CFTR: variants seen among roughly 807,000 people sequenced by gnomAD.
The protein encoded by CFTR is cystic fibrosis transmembrane conductance regulator.
In CFTR, 181 loss-of-function variants were observed where a neutral mutation model predicts 171.6. That is an observed-to-expected ratio of 1.05 (90% confidence interval 0.93 to 1.19). The LOEUF is 1.19. Among genes scored for constraint, CFTR ranks in the 50% most tolerant of loss-of-function variants. The pLI, the probability that CFTR is intolerant of heterozygous loss-of-function variation, is 0.00. For missense variants in CFTR, 1,968 were observed against 1,734.7 expected (o/e 1.13, Z -2.39); for synonymous variants, 583 against 608.0 (o/e 0.96, Z 0.60).
At chr7:117,556,189 C>A (rs554217867) in intron 10 of CFTR, among the ~76,000 whole-genome samples, 1 of 152,106 alleles carries the variant, frequency 6.6e-6, no homozygotes, top group East Asian at 1.9e-4. Flanking sequence ...CTCACCCTCC[C>A]AAGTAGCTGG....
At chr7:117,665,321 C>T (rs969853207) in intron 25 of CFTR, 138 bp from the exon 26 acceptor site, 1 of 641,234 alleles carries the variant, frequency 1.6e-6, no homozygotes, top group Admixed American at 2.7e-5. Context: ...GTGGCTAACG[C>T]TATATCAACA....
intron 10 of CFTR, among the ~76,000 whole-genome samples, chr7:117,549,794 A>C (rs1799237919): frequency 1.3e-5 from 2 of 152,144 alleles, no homozygotes; most frequent in African/African-American, 4.8e-5. Flanking sequence ...CAGAAAAAGA[A>C]AGAGAGGAAG....
chr7:117,577,099 G>C (rs1791783225), intron 11 of CFTR, among the ~76,000 whole-genome samples: 1 of 152,264 alleles, frequency 6.6e-6, no homozygotes, highest in South Asian at 2.1e-4. Flanking sequence ...TATTGATCTT[G>C]AAAGAGTTTG....
chr7:117,524,483 A>T (rs1322073851), intron 3 of CFTR, among the ~76,000 whole-genome samples: 1 of 152,206 alleles, frequency 6.6e-6, no homozygotes, highest in Non-Finnish European at 1.5e-5. Context: ...CTGGGGTAAA[A>T]TATTGATCTA....
intron 10 of CFTR, among the ~76,000 whole-genome samples, chr7:117,553,127 A>G (rs1295613739): frequency 6.6e-6 from 1 of 152,052 alleles, no homozygotes; most frequent in Non-Finnish European, 1.5e-5. Context: ...TGGCACCTTG[A>G]TCTTGGACTT....
Position 117,533,667 on chromosome 7 carries a change from T to C in CFTR, c.490-609T>C, listed in dbSNP as rs1261948589. Reference sequence around the variant, plus strand: ...CTGGTTTTCCATAATCATAATTAATTTGTCAACTTTATAATTTTAATTAAG... The same window carrying C: ...CTGGTTTTCCATAATCATAATTAATCTGTCAACTTTATAATTTTAATTAAG... On this transcript the variant is annotated intron_variant, in intron 4 of 26. Coordinates refer to ENST00000003084, the MANE Select transcript of CFTR (RefSeq NM_000492.4). Among the ~76,000 whole-genome samples the C allele has an allele frequency of 2.0e-5, 3 of 152,104 alleles. No homozygotes were observed. The East Asian group carries it at 5.8e-4, about 29-fold the overall frequency.
chr7:117,491,307 T>C (rs1281010496), intron 1 of CFTR, among the ~76,000 whole-genome samples: 1 of 152,078 alleles, frequency 6.6e-6, no homozygotes, highest in Non-Finnish European at 1.5e-5. Flanking sequence ...AACTGTATCT[T>C]AAATACTCAA....
intron 22 of CFTR, among the ~76,000 whole-genome samples, chr7:117,637,274 G>T (rs1792841120): frequency 6.6e-6 from 1 of 151,396 alleles, no homozygotes; most frequent in Non-Finnish European, 1.5e-5. Context: ...TTGAAAGGTG[G>T]ACATGATGTG....
chr7:117,522,218 C>T (rs1798695891), intron 3 of CFTR, among the ~76,000 whole-genome samples: 1 of 152,112 alleles, frequency 6.6e-6, no homozygotes, highest in South Asian at 2.1e-4. Flanking sequence ...AGAAAACAGC[C>T]ATAGTCATGG....
chr7:117,510,687 G>A (rs1319263494), intron 3 of CFTR, among the ~76,000 whole-genome samples: 3 of 152,112 alleles, frequency 2.0e-5, no homozygotes. Flanking sequence ...GTAGTTTCAT[G>A]TATGCAAAAA....
At chr7:117,521,957 A>G (rs1438500284) in intron 3 of CFTR, among the ~76,000 whole-genome samples, 5 of 152,164 alleles carry the variant, frequency 3.3e-5, no homozygotes, top group African/African-American at 1.2e-4. Context: ...ATAAATGGTT[A>G]AAGAATTTAG....
intron 23 of CFTR, among the ~76,000 whole-genome samples, chr7:117,648,809 A>C (rs1029485817): frequency 2.6e-5 from 4 of 152,158 alleles, no homozygotes; most frequent in African/African-American, 9.7e-5. Flanking sequence ...CCCTGGAAGC[A>C]AGAGAGTGCC....
chr7:117,547,056 A>G (rs1006572052), intron 9 of CFTR, among the ~76,000 whole-genome samples: 22 of 152,224 alleles, frequency 1.4e-4, no homozygotes, highest in African/African-American at 5.1e-4. Flanking sequence ...CACAGAGATT[A>G]TACTCAATAA....
chr7:117,542,937 C>A lies in CFTR; in HGVS notation c.1209+829C>A, dbSNP rs572779726. On this transcript the variant is annotated intron_variant, in intron 9 of 26. Transcript: ENST00000003084. Reference sequence around the variant, plus strand: ...CCAGTCTAAAGTGCTTTATATATACCAGCCAATAAAAGGATGCGAGAGAGA... The same window carrying A: ...CCAGTCTAAAGTGCTTTATATATACAAGCCAATAAAAGGATGCGAGAGAGA... Among the ~76,000 whole-genome samples, 6 of 152,218 alleles carry A rather than the reference C, an allele frequency of 3.9e-5. No individual in the cohort carries two copies. The South Asian group carries it at 1.2e-3, about 32-fold the overall frequency.
intron 21 of CFTR, among the ~76,000 whole-genome samples, chr7:117,619,289 G>T (rs1047504833): frequency 6.6e-6 from 1 of 152,086 alleles, no homozygotes; most frequent in Non-Finnish European, 1.5e-5. Context: ...AAGCACTAAA[G>T]ATTCCTATCT....
intron 11 of CFTR, among the ~76,000 whole-genome samples, chr7:117,564,231 A>C (rs1791561857): frequency 6.6e-6 from 1 of 152,192 alleles, no homozygotes; most frequent in South Asian, 2.1e-4. Context: ...TCACAGTCTC[A>C]GACATTGAGC....
At chr7:117,518,398 A>G (rs1798631669) in intron 3 of CFTR, among the ~76,000 whole-genome samples, 1 of 146,892 alleles carries the variant, frequency 6.8e-6, no homozygotes, top group African/African-American at 2.5e-5. Flanking sequence ...ATAATATAAT[A>G]ATTTATATAT....
In CFTR at chr7:117,603,684, T is replaced by A; in HGVS notation, c.2810T>A (p.Leu937Gln). The change falls in exon 17 of 27, where the codon CTG becomes CAG. Residue 937 changes from leucine to glutamine, a missense_variant. Coordinates refer to ENST00000003084, the MANE Select transcript of CFTR (RefSeq NM_000492.4). ...LAMGFFRGLP[L>Q]VHTLITVSKI... is the part of the protein sequence containing the mutation. ...ATGGGATTCTTCAGAGGTCTACCAC[T>A]GGTGCATACTCTAATCACAGTGTCG... is the stretch of plus-strand genomic sequence containing the variant. 1 of 1,614,146 alleles carries A rather than the reference T, an allele frequency of 6.2e-7. No individual in the cohort carries two copies. Among genetic ancestry groups the A allele is most frequent in the South Asian group, 1.1e-5 (1 of 91,088 alleles).
At chr7:117,567,652 C>T (rs1009278183) in intron 11 of CFTR, among the ~76,000 whole-genome samples, 11 of 152,050 alleles carry the variant, frequency 7.2e-5, no homozygotes, top group East Asian at 1.9e-4. Context: ...AACAGGAGTT[C>T]GTATTTGTAA....
Sources: allele counts gnomAD v4.1 joint callset (sites outside exome capture counted in the v4.1 genomes callset), GRCh38; gene constraint gnomAD v4.1.1; transcripts MANE v1.5; gene names NCBI Gene and HGNC (gene_info 2026-07-23, HGNC 2026-07-21).